SGCG: variants seen among roughly 807,000 people sequenced by gnomAD.
SGCG encodes sarcoglycan gamma.
A neutral mutation model predicts 29.3 loss-of-function variants in SGCG; 26 were observed. That is an observed-to-expected ratio of 0.89 (90% CI 0.65 to 1.23). The LOEUF (loss-of-function observed/expected upper bound fraction) is 1.23. Ranked by LOEUF, SGCG falls within the 50% of genes most tolerant of loss-of-function variation. The pLI, the probability that SGCG is intolerant of heterozygous loss-of-function variation, is 0.00. For synonymous variants in SGCG, 145 were observed against 129.7 expected, an observed-to-expected ratio of 1.12 and a Z score of -0.80; for missense variants, 353 against 356.0, an observed-to-expected ratio of 0.99 and a Z score of 0.07.
At chr13:23,267,751 A>T (rs1880693438) in intron 4 of SGCG, 1 of 152,250 alleles carries the variant, frequency 6.6e-6, no homozygotes, top group African/African-American at 2.4e-5. Context: ...TGGAAGAAAC[A>T]TTTGGAATGC....
intron 2 of SGCG, among the ~76,000 whole-genome samples, chr13:23,231,982 G>T (rs1159919847): frequency 6.6e-6 from 1 of 152,142 alleles, no homozygotes; most frequent in East Asian, 1.9e-4. Context: ...AGCCAGGCGA[G>T]GTGGCACACT....
At chr13:23,254,272 G>A (rs905191723) in intron 4 of SGCG, among the ~76,000 whole-genome samples, 1 of 152,164 alleles carries the variant, frequency 6.6e-6, no homozygotes. Flanking sequence ...TGAAGATCAG[G>A]CTGAGGAGGT....
intron 6 of SGCG, among the ~76,000 whole-genome samples, chr13:23,309,549 G>A (rs867174376): frequency 1.3e-5 from 2 of 152,264 alleles, no homozygotes; most frequent in Admixed American, 6.5e-5. Flanking sequence ...ACAAATGTTG[G>A]CTAGAAAGAG....
intron 4 of SGCG, among the ~76,000 whole-genome samples, chr13:23,255,767 C>T (rs929651908): frequency 1.3e-5 from 2 of 152,160 alleles, no homozygotes; most frequent in Non-Finnish European, 2.9e-5. Flanking sequence ...GCATTATTAG[C>T]ATGCCTTTCC....
At chr13:23,275,344 A>G (rs955458673) in intron 4 of SGCG, among the ~76,000 whole-genome samples, 2 of 151,854 alleles carry the variant, frequency 1.3e-5, no homozygotes, top group African/African-American at 4.8e-5. Flanking sequence ...GCAAAACTCC[A>G]TCTCTACTAA....
intron 6 of SGCG, among the ~76,000 whole-genome samples, chr13:23,317,483 A>G (rs1241679713): frequency 6.6e-6 from 1 of 152,088 alleles, no homozygotes; most frequent in African/African-American, 2.4e-5. Flanking sequence ...AATACCAGCT[A>G]CGAACACGTG....
chr13:23,235,838 A>C (rs1278040257), intron 3 of SGCG, among the ~76,000 whole-genome samples: 1 of 152,232 alleles, frequency 6.6e-6, no homozygotes, highest in Non-Finnish European at 1.5e-5. Flanking sequence ...CTATAGGAGA[A>C]TTAGAAAAGA....
chr13:23,194,765 A>G (rs1667494320), intron 1 of SGCG, among the ~76,000 whole-genome samples: 1 of 152,194 alleles, frequency 6.6e-6, no homozygotes, highest in Non-Finnish European at 1.5e-5. Flanking sequence ...ATGTGTCCAC[A>G]TGACCGATAG....
chr13:23,176,741 G>A (rs1222635757), upstream of SGCG, among the ~76,000 whole-genome samples: 2 of 152,100 alleles, frequency 1.3e-5, no homozygotes, highest in South Asian at 2.1e-4. Context: ...GGTTATTGTC[G>A]ATAGGTAAGG....
intron 2 of SGCG, among the ~76,000 whole-genome samples, chr13:23,227,041 A>G (rs1878925784): frequency 1.3e-5 from 2 of 152,146 alleles, no homozygotes; most frequent in African/African-American, 4.8e-5. Context: ...TTTTAGAATA[A>G]TGTAGAAAAA....
At chr13:23,208,356 A>T (rs1878060142) in intron 2 of SGCG, among the ~76,000 whole-genome samples, 1 of 152,142 alleles carries the variant, frequency 6.6e-6, no homozygotes. Flanking sequence ...TTAATGTTTC[A>T]CTGTAGAAAA....
At chr13:23,275,145 A>ATATAT (rs1462954999) in intron 4 of SGCG, among the ~76,000 whole-genome samples, 4 of 148,506 alleles carry the variant, frequency 2.7e-5, no homozygotes, top group East Asian at 2.0e-4. Flanking sequence ...ATATATATAG[A>ATATAT]AATGAGGACG....
chr13:23,228,877 A>C (rs890204639), intron 2 of SGCG, among the ~76,000 whole-genome samples: 1 of 151,610 alleles, frequency 6.6e-6, no homozygotes, highest in African/African-American at 2.4e-5. Flanking sequence ...CTGTTTCTTT[A>C]TTTGTTTGTT....
chr13:23,300,273 A>G (rs1444087181), intron 6 of SGCG, among the ~76,000 whole-genome samples: 1 of 152,240 alleles, frequency 6.6e-6, no homozygotes, highest in Non-Finnish European at 1.5e-5. Context: ...AAGCTCAGTT[A>G]GAAACCAAGA....
intron 6 of SGCG, among the ~76,000 whole-genome samples, chr13:23,298,567 T>C (rs1882000183): frequency 6.6e-6 from 1 of 152,160 alleles, no homozygotes; most frequent in African/African-American, 2.4e-5. Flanking sequence ...AAGGTTTAAT[T>C]TTGAAAATGG....
chr13:23,319,834 A>T (rs1489261390), intron 6 of SGCG, among the ~76,000 whole-genome samples: 1 of 152,232 alleles, frequency 6.6e-6, no homozygotes, highest in African/African-American at 2.4e-5. Context: ...ATCTGGTGGA[A>T]ATACAGCCTT....
chr13:23,320,032 G>A (rs111245587), intron 6 of SGCG, among the ~76,000 whole-genome samples: 6 of 152,218 alleles, frequency 3.9e-5, no homozygotes, highest in African/African-American at 7.2e-5. Context: ...CATTTGCCCT[G>A]TAATGTTTTT....
At chr13:23,321,362 C>A (rs1883035666) in intron 7 of SGCG, among the ~76,000 whole-genome samples, 1 of 152,136 alleles carries the variant, frequency 6.6e-6, no homozygotes, top group South Asian at 2.1e-4. Flanking sequence ...TATACACTAT[C>A]TGTTTTCCTG....
In SGCG at chr13:23,323,132, C is replaced by T. The variant is rs115324564; in HGVS notation, c.703-1236C>T. Among the ~76,000 whole-genome samples, 249 of 152,222 alleles carry T rather than the reference C, an allele frequency of 1.6e-3. 2 individuals are homozygous for T. Among genetic ancestry groups the T allele is most frequent in the African/African-American group, 5.9e-3 (243 of 41,534 alleles). On this transcript the variant is annotated intron_variant, in intron 7 of 7. Coordinates refer to ENST00000218867, the MANE Select transcript of SGCG (RefSeq NM_000231.3). Reference sequence around the variant, plus strand: ...GTGGGCAGGACCCATCAGATGACAGCCTGCTAGTGGAACACAGGTCTTCAG... The same window carrying T: ...GTGGGCAGGACCCATCAGATGACAGTCTGCTAGTGGAACACAGGTCTTCAG...
Sources: allele counts gnomAD v4.1 joint callset (sites outside exome capture counted in the v4.1 genomes callset), GRCh38; gene constraint gnomAD v4.1.1; transcripts MANE v1.5; gene names NCBI Gene and HGNC (gene_info 2026-07-23, HGNC 2026-07-21).